ASIC2: variants seen among roughly 807,000 people sequenced by gnomAD.
ASIC2 encodes the protein acid sensing ion channel subunit 2.
ASIC2 carries 25 observed loss-of-function variants against 57.3 expected under a neutral mutation model. The observed-to-expected ratio is 0.44, with a 90% CI of 0.32 to 0.61. The LOEUF (loss-of-function observed/expected upper bound fraction) is 0.61. ASIC2 is among the 20% of genes least tolerant of loss of function. The probability of loss-of-function intolerance (pLI) is 0.06; values close to 1 mark genes in which losing one functional copy is unlikely to be tolerated. For synonymous variants in ASIC2, 319 were observed against 307.5 expected (o/e 1.04, Z -0.39); for missense variants, 641 against 738.1 (o/e 0.87, Z 1.52).
intron 1 of ASIC2, among the ~76,000 whole-genome samples, chr17:33,360,366 T>C (rs984898263): frequency 3.9e-5 from 6 of 152,312 alleles, no homozygotes; most frequent in African/African-American, 1.4e-4. Flanking sequence ...AAACTGGACC[T>C]GCCTTGTTGG....
intron 1 of ASIC2, among the ~76,000 whole-genome samples, chr17:33,926,366 T>A (rs1186653387): frequency 6.6e-6 from 1 of 152,232 alleles, no homozygotes. Flanking sequence ...TTTGGGATTT[T>A]TGAATACATA....
At chr17:33,093,481 A>C (rs143271946) in intron 2 of ASIC2, among the ~76,000 whole-genome samples, 2 of 152,292 alleles carry the variant, frequency 1.3e-5, no homozygotes, top group African/African-American at 4.8e-5. Flanking sequence ...TACTACATAC[A>C]TACTATGTAG....
intron 1 of ASIC2, among the ~76,000 whole-genome samples, chr17:34,115,416 G>A (rs1911397872): frequency 6.6e-6 from 1 of 152,130 alleles, no homozygotes; most frequent in Non-Finnish European, 1.5e-5. Context: ...ACCCCTGCTT[G>A]AATTCTTCCT....
intron 1 of ASIC2, among the ~76,000 whole-genome samples, chr17:34,016,293 G>A (rs1906951292): frequency 6.6e-6 from 1 of 151,850 alleles, no homozygotes; most frequent in African/African-American, 2.4e-5. Context: ...GCGCGGTGGT[G>A]GGCACCTGTA....
chr17:33,506,160 C>T (rs142172420), intron 1 of ASIC2, among the ~76,000 whole-genome samples: 12 of 147,764 alleles, frequency 8.1e-5, no homozygotes, highest in East Asian at 8.0e-4. Flanking sequence ...TTCGGGAGGC[C>T]GAGGCGGGCA....
intron 1 of ASIC2, among the ~76,000 whole-genome samples, chr17:33,704,303 T>C (rs1236485474): frequency 6.6e-6 from 1 of 152,212 alleles, no homozygotes; most frequent in Non-Finnish European, 1.5e-5. Context: ...GATATTGGTA[T>C]AGGAACAAGC....
At chr17:33,485,832 C>T (rs1913558737) in intron 1 of ASIC2, among the ~76,000 whole-genome samples, 1 of 152,200 alleles carries the variant, frequency 6.6e-6, no homozygotes, top group African/African-American at 2.4e-5. Flanking sequence ...TAGTGGTGCA[C>T]CCCAGTCCCG....
At chr17:33,255,600 CG>C (rs1401952742) in intron 1 of ASIC2, among the ~76,000 whole-genome samples, 4 of 98,662 alleles carry the variant, frequency 4.1e-5, no homozygotes, top group East Asian at 2.7e-4. Flanking sequence ...ATCGGAGGGA[CG>C]GGGGGGTGGA....
At chr17:33,019,753 A>G (rs1286081807) in intron 7 of ASIC2, among the ~76,000 whole-genome samples, 1 of 152,070 alleles carries the variant, frequency 6.6e-6, no homozygotes, top group African/African-American at 2.4e-5. Flanking sequence ...TATCTGACGC[A>G]GACATGACAA....
chr17:33,154,607 C>G (rs1428506253), intron 1 of ASIC2, among the ~76,000 whole-genome samples: 1 of 152,210 alleles, frequency 6.6e-6, no homozygotes, highest in African/African-American at 2.4e-5. Context: ...CCTAGGCCTA[C>G]TGAGTCCAAT....
chr17:33,658,212 A>T (rs565659209), intron 1 of ASIC2, among the ~76,000 whole-genome samples: 9 of 152,282 alleles, frequency 5.9e-5, no homozygotes, highest in African/African-American at 1.9e-4. Flanking sequence ...AAGACAACTA[A>T]ATCTGATACT....
At chr17:33,387,422 C>G (rs1213361958) in intron 1 of ASIC2, among the ~76,000 whole-genome samples, 1 of 152,188 alleles carries the variant, frequency 6.6e-6, no homozygotes, top group East Asian at 1.9e-4. Context: ...CCTTCTCAAC[C>G]AGGGAGTTAG....
intron 3 of ASIC2, chr17:33,052,113 G>C (rs1251082234): frequency 6.6e-6 from 1 of 152,168 alleles, no homozygotes; most frequent in Non-Finnish European, 1.5e-5. Context: ...GGAACCCATG[G>C]AAAAGATTTC....
At chr17:33,562,533 T>C (rs1192056626) in intron 1 of ASIC2, among the ~76,000 whole-genome samples, 1 of 152,140 alleles carries the variant, frequency 6.6e-6, no homozygotes, top group Non-Finnish European at 1.5e-5. Context: ...GGACGTGACA[T>C]GCTACCTGTC....
chr17:33,144,373 A>C (rs1904464689), intron 1 of ASIC2, among the ~76,000 whole-genome samples: 1 of 152,088 alleles, frequency 6.6e-6, no homozygotes, highest in South Asian at 2.1e-4. Context: ...AGGGAAGAGA[A>C]GGGGATGGGA....
intron 1 of ASIC2, among the ~76,000 whole-genome samples, chr17:34,073,774 C>T (rs1420797961): frequency 2.0e-5 from 3 of 152,254 alleles, no homozygotes; most frequent in East Asian, 3.9e-4. Context: ...TCAGAAGAAA[C>T]GGGGTTGGGG....
At chr17:33,309,580 T>G (rs755251484) in intron 1 of ASIC2, among the ~76,000 whole-genome samples, 2 of 152,068 alleles carry the variant, frequency 1.3e-5, no homozygotes, top group Non-Finnish European at 2.9e-5. Flanking sequence ...CACCTTCACC[T>G]TCACCTCCAC....
chr17:33,925,536 T>C lies in ASIC2; in HGVS notation c.555+230442A>G, dbSNP rs561866279. Among the ~76,000 whole-genome samples the C allele has an allele frequency of 6.6e-5, 10 of 152,338 alleles. No individual in the cohort carries two copies. The South Asian group carries it at 2.1e-3, about 32-fold the overall frequency. ...TCTCTTCTCCCGATAACTGTGGCCA[T>C]GTGGCCTCGTCTGCTGCCCAGTGTG... On this transcript the variant is annotated intron_variant, in intron 1 of 9. Transcript: ENST00000359872.
Position 34,012,718 on chromosome 17 carries a change from A to ATT in ASIC2, c.555+143258_555+143259dup, listed in dbSNP as rs201807010. On this transcript the variant is annotated intron_variant, in intron 1 of 9. Coordinates refer to the ASIC2 transcript ENST00000359872. ...TTGAACTCCTTATGGACAGAGAATG[A>ATT]TTTTTTTTTTTCTAAATTCCCGGAG... Among the ~76,000 whole-genome samples the ATT allele has an allele frequency of 6.3e-3, 938 of 149,436 alleles. 25 individuals carry two copies. The highest frequency in any genetic ancestry group is 0.059 in the South Asian group (277 of 4,726).
Sources: gnomAD v4.1 joint callset for allele counts (sites outside exome capture counted in the v4.1 genomes callset) on GRCh38, gnomAD v4.1.1 for gene constraint, MANE v1.5 for transcripts, NCBI Gene and HGNC (gene_info 2026-07-23, HGNC 2026-07-21) for gene names.